The following PDZD2 variants were observed in gnomAD, a reference collection of about 807,000 sequenced individuals.
PDZD2 encodes PDZ domain containing 2, also known as PDZ domain-containing protein 2.
A neutral mutation model predicts 220.7 loss-of-function variants in PDZD2; 90 were observed. The ratio of observed to expected loss-of-function variants is 0.41; its 90% CI spans 0.34 to 0.49. The LOEUF (loss-of-function observed/expected upper bound fraction) is 0.49, where lower values mean the gene tolerates loss of function less well. Ranked by LOEUF, PDZD2 falls within the 20% of genes least tolerant of loss-of-function variation. The pLI, the probability that PDZD2 is intolerant of heterozygous loss-of-function variation, is 0.28. For missense variants in PDZD2, 3,174 were observed against 3,608.5 expected (o/e 0.88, Z 3.08); for synonymous variants, 1,375 against 1,450.5 (o/e 0.95, Z 1.18).
At chr5:31,958,709 C>T (rs1747950956) in intron 2 of PDZD2, among the ~76,000 whole-genome samples, 1 of 152,116 alleles carries the variant, frequency 6.6e-6, no homozygotes. Flanking sequence ...CAGCCTCGAC[C>T]TCCTAGGCTC....
intron 2 of PDZD2, among the ~76,000 whole-genome samples, chr5:31,884,231 G>GCATA (rs368220223): frequency 0.014 from 2,110 of 150,682 alleles, 34 homozygotes; most frequent in African/African-American, 0.035. Flanking sequence ...CTGCATGCAT[G>GCATA]CATACATACA....
chr5:31,901,372 C>G (rs536731414), intron 2 of PDZD2, among the ~76,000 whole-genome samples: 3 of 149,578 alleles, frequency 2.0e-5, no homozygotes, highest in Middle Eastern at 6.8e-3. Context: ...GAGCCAAGAT[C>G]ATGCCACTGC....
intron 1 of PDZD2, among the ~76,000 whole-genome samples, chr5:31,751,992 A>G (rs531193667): frequency 1.5e-4 from 22 of 148,238 alleles, no homozygotes; most frequent in Non-Finnish European, 2.7e-4. Context: ...GCCTTTGTAC[A>G]TACTCTCCTC....
Position 32,091,286 on chromosome 5 carries a change from T to TC in PDZD2, c.7727+111_7727+112insC. ...ATGCAGAGTTCCCACTTACTTTTTT[T>TC]TTTTTTTTTTTTTTTTGAGATGGAG... On this transcript the variant is annotated intron_variant, in intron 20 of 24. Transcript: ENST00000438447. 3.7e-6 allele frequency: 3 copies of TC among 809,282 alleles called. No individual in the cohort carries two copies. The Admixed American group carries it at 1.1e-4, about 28-fold the overall frequency. 50.1% of individuals were successfully genotyped at this position (809,282 alleles called of 1,614,324 possible).
Position 31,887,819 on chromosome 5 carries a change from C to T in PDZD2, c.476+88095C>T, listed in dbSNP as rs572815311. 6.1e-4 allele frequency among the ~76,000 whole-genome samples: 83 copies of T among 136,562 alleles called. 1 individual carries two copies. Among genetic ancestry groups the T allele is most frequent in the African/African-American group, 2.1e-3 (76 of 35,760 alleles). 89.6% of individuals were successfully genotyped at this position (136,562 alleles called of 152,430 possible). A position where few individuals can be genotyped will look rare whatever the true frequency, so the allele number is the denominator to read the frequency against. On this transcript the variant is annotated intron_variant, in intron 2 of 24. Coordinates refer to ENST00000438447, the MANE Select transcript of PDZD2 (RefSeq NM_178140.4). ...TGCTTTCAGTCATCAGTTTTATGTG[C>T]GGGGGAGGGGGGGAACAGCACTTTT... is the stretch of plus-strand genomic sequence containing the variant.
rs60289084 is a variant in PDZD2, at chr5:31,707,299, TAATAAATA to T, written c.-361+67866_-361+67873del. On this transcript the variant is annotated intron_variant, in intron 1 of 24. Transcript: ENST00000438447. ...CACGTGTACCCTAGAACTTAAAGTTTAATAAATAAATTAATTAATTAATTAATTAATTA... is the reference window on the plus strand; with the variant it reads ...CACGTGTACCCTAGAACTTAAAGTTTAATTAATTAATTAATTAATTAATTA... Among the ~76,000 whole-genome samples the T allele has an allele frequency of 3.2e-3, 473 of 149,534 alleles. 3 individuals are homozygous for T. Among genetic ancestry groups the T allele is most frequent in the African/African-American group, 0.011 (460 of 40,510 alleles).
At chr5:31,984,568 G>A (rs926964139) in intron 3 of PDZD2, among the ~76,000 whole-genome samples, 5 of 150,420 alleles carry the variant, frequency 3.3e-5, no homozygotes, top group South Asian at 2.1e-4. Flanking sequence ...GAGGCCAGGC[G>A]CGGCAGCTTG....
intron 5 of PDZD2, among the ~76,000 whole-genome samples, chr5:32,003,444 A>C (rs1581253718): frequency 1.2e-4 from 5 of 42,066 alleles, no homozygotes; most frequent in Non-Finnish European, 1.7e-4. Context: ...CACCCTACAC[A>C]CTCCCCCCAA....
At chr5:31,949,003 C>T (rs1746922846) in intron 2 of PDZD2, among the ~76,000 whole-genome samples, 1 of 145,144 alleles carries the variant, frequency 6.9e-6, no homozygotes, top group Non-Finnish European at 1.5e-5. Context: ...GAGGCTGAGG[C>T]AGGAGAATTG....
chr5:31,689,353 A>ATATATATATATATATATTTTTT, intron 1 of PDZD2, among the ~76,000 whole-genome samples: 3 of 35,122 alleles, frequency 8.5e-5, no homozygotes, highest in African/African-American at 2.1e-4. Flanking sequence ...ATATATATAT[A>ATATATATATATATATATTTTTT]TTTTTTTTTT....
intron 6 of PDZD2, among the ~76,000 whole-genome samples, chr5:32,033,178 G>A (rs1449355376): frequency 1.3e-5 from 2 of 152,128 alleles, no homozygotes; most frequent in South Asian, 2.1e-4. Flanking sequence ...TGCAAATTTC[G>A]TTTCAGAACA....
chr5:31,717,947 C>G (rs551301679), intron 1 of PDZD2, among the ~76,000 whole-genome samples: 1 of 152,316 alleles, frequency 6.6e-6, no homozygotes, highest in South Asian at 2.1e-4. Flanking sequence ...TTTGGCTCGG[C>G]CCCTCCCAGC....
intron 2 of PDZD2, among the ~76,000 whole-genome samples, chr5:31,910,377 T>A (rs35335431): frequency 0.47 from 71,171 of 149,932 alleles, 17,165 homozygotes; most frequent in Non-Finnish European, 0.52. Context: ...CCCACCACCA[T>A]GCCTGGCTAA....
chr5:31,751,614 G>A (rs995550812), intron 1 of PDZD2, among the ~76,000 whole-genome samples: 1 of 152,166 alleles, frequency 6.6e-6, no homozygotes, highest in African/African-American at 2.4e-5. Flanking sequence ...CAGGATCCAT[G>A]CCTCATAATG....
At chr5:31,981,102 T>C (rs1750261792) in intron 2 of PDZD2, among the ~76,000 whole-genome samples, 1 of 152,194 alleles carries the variant, frequency 6.6e-6, no homozygotes, top group South Asian at 2.1e-4. Context: ...ATGGTCTTAA[T>C]GCCTCTTTGT....
intron 2 of PDZD2, among the ~76,000 whole-genome samples, chr5:31,925,541 C>CATCG (rs1744675100): frequency 6.6e-6 from 1 of 152,106 alleles, no homozygotes; most frequent in African/African-American, 2.4e-5. Context: ...TCATTCTGGA[C>CATCG]ATCGGCCTTG....
intron 6 of PDZD2, among the ~76,000 whole-genome samples, chr5:32,026,743 C>A (rs1177757249): frequency 1.3e-5 from 2 of 152,186 alleles, no homozygotes; most frequent in African/African-American, 4.8e-5. Flanking sequence ...GTTTTCTCAC[C>A]CACTAGGTCA....
intron 2 of PDZD2, among the ~76,000 whole-genome samples, chr5:31,886,790 C>T (rs777853020): frequency 2.6e-5 from 4 of 152,026 alleles, no homozygotes; most frequent in Admixed American, 6.6e-5. Flanking sequence ...CTCCGCCTCC[C>T]GGGTTCACGC....
intron 2 of PDZD2, among the ~76,000 whole-genome samples, chr5:31,976,544 T>C (rs1234917186): frequency 6.6e-6 from 1 of 152,178 alleles, no homozygotes; most frequent in Non-Finnish European, 1.5e-5. Context: ...TATTCTCCTG[T>C]TGTCTGTGTA....
Sources: allele counts gnomAD v4.1 joint callset (sites outside exome capture counted in the v4.1 genomes callset), GRCh38; gene constraint gnomAD v4.1.1; transcripts MANE v1.5; gene names NCBI Gene and HGNC (gene_info 2026-07-23, HGNC 2026-07-21).